The following KDM4A variants were observed in gnomAD, a reference collection of about 807,000 sequenced individuals.
KDM4A encodes the protein lysine demethylase 4A, also known as lysine-specific demethylase 4A.
In KDM4A, 23 loss-of-function variants were observed where a neutral mutation model predicts 127.1. The observed-to-expected ratio is 0.18, with a 90% CI of 0.13 to 0.26. KDM4A has a LOEUF of 0.26. KDM4A is among the 10% of genes least tolerant of loss of function. The probability of loss-of-function intolerance (pLI) is 1.00; values close to 1 mark genes in which losing one functional copy is unlikely to be tolerated. For synonymous variants in KDM4A, 443 were observed against 466.5 expected (o/e 0.95, Z 0.65); for missense variants, 890 against 1,329.1 (o/e 0.67, Z 5.14).
intron 14 of KDM4A, 71 bp downstream of exon 14, chr1:43,691,120 C>T (rs1482118206): frequency 6.9e-7 from 1 of 1,446,522 alleles, no homozygotes; most frequent in Non-Finnish European, 9.7e-7. Flanking sequence ...GTTCTTGCCA[C>T]CTCCTGGCCT....
At chr1:43,662,856 C>A in intron 4 of KDM4A, 38 bp from the exon 5 acceptor site, 2 of 1,551,334 alleles carry the variant, frequency 1.3e-6, no homozygotes, top group Non-Finnish European at 1.7e-6. Context: ...GGTTTCTATG[C>A]AAATGTAACT....
chr1:43,697,489 T>A lies in KDM4A; in HGVS notation c.2671-354T>A, dbSNP rs142077134. On this transcript the variant is annotated intron_variant, in intron 18 of 21. Transcript: ENST00000372396. ...GCGGCCCAGGCCTCAGGGCACCTAT[T>A]GAGTCTCTCCTTCGATACTTTGATG... Among the ~76,000 whole-genome samples the A allele has an allele frequency of 1.8e-3, 280 of 152,342 alleles. 1 individual carries two copies. Among genetic ancestry groups the A allele is most frequent in the Non-Finnish European group, 3.5e-3 (241 of 68,028 alleles).
In KDM4A at chr1:43,697,833, T is replaced by C. The variant is rs1661279189; in HGVS notation, c.2671-10T>C. On this transcript the variant is annotated splice_polypyrimidine_tract_variant and intron_variant, in intron 18 of 21. Coordinates refer to ENST00000372396, the MANE Select transcript of KDM4A (RefSeq NM_014663.3). The stretch of plus-strand genomic sequence containing the variant: ...ACGTGTGAGTAACCAAAGCCTCTGT[T>C]TTTTTCCAGCGTGCCAAGGGGGCCT... 1.2e-6 allele frequency: 2 copies of C among 1,610,238 alleles called. No individual in the cohort carries two copies. Among genetic ancestry groups the C allele is most frequent in the Non-Finnish European group, 1.7e-6 (2 of 1,178,346 alleles).
Position 43,704,367 on chromosome 1 carries a change from G to T in KDM4A, c.3192G>T (p.Glu1064Asp). The change falls in exon 22 of 22, where the codon GAG becomes GAT. Residue 1064 changes from glutamate (E) to aspartate (D), a missense_variant. Physicochemically the swap from Glu to Asp is conservative, Grantham distance 45. Coordinates refer to ENST00000372396, the MANE Select transcript of KDM4A (RefSeq NM_014663.3). ...IEPALYRAIM[E>D] ...CTGCACTATACCGGGCCATCATGGAGTAGGTGCTTCCAGGGTCCAAGGGAT... is the reference window on the plus strand; with the variant it reads ...CTGCACTATACCGGGCCATCATGGATTAGGTGCTTCCAGGGTCCAAGGGAT... 1 of 1,613,246 alleles carries T rather than the reference G, an allele frequency of 6.2e-7. No homozygotes were observed. The highest frequency in any genetic ancestry group is 1.3e-5 in the African/African-American group (1 of 75,030).
chr1:43,686,157 T>TG (rs1479802799), intron 12 of KDM4A, among the ~76,000 whole-genome samples: 2 of 142,272 alleles, frequency 1.4e-5, no homozygotes, highest in East Asian at 4.1e-4. Context: ...TCTTGTTTTT[T>TG]TTTTTTTTTT....
At chr1:43,695,500 T>G (rs1253644208) in intron 18 of KDM4A, among the ~76,000 whole-genome samples, 10 of 152,290 alleles carry the variant, frequency 6.6e-5, no homozygotes. Context: ...AGACTGGTTA[T>G]GGGAGTGTGA....
rs1660218622 is a variant in KDM4A, at chr1:43,655,560, T to C, written c.139-31T>C. 2.6e-6 allele frequency: 4 copies of C among 1,568,244 alleles called. No individual in the cohort carries two copies. In the African/African-American group the frequency reaches 5.4e-5, roughly 21 times the overall value. On this transcript the variant is annotated intron_variant, in intron 2 of 21. Coordinates refer to ENST00000372396, the MANE Select transcript of KDM4A (RefSeq NM_014663.3). The stretch of plus-strand genomic sequence containing the variant: ...TCTGACTGGCTTGCCAGGTTTCTCA[T>C]CTGTCTTTTTGTTTCTTGTGTTCCC...
intron 12 of KDM4A, among the ~76,000 whole-genome samples, chr1:43,686,074 T>TATGTCC (rs927210951): frequency 9.2e-5 from 14 of 152,084 alleles, no homozygotes; most frequent in African/African-American, 3.4e-4. Context: ...GATATTAGAG[T>TATGTCC]ATGTCCATGT....
intron 9 of KDM4A, among the ~76,000 whole-genome samples, chr1:43,668,720 G>C (rs1490778937): frequency 6.6e-6 from 1 of 152,206 alleles, no homozygotes; most frequent in Non-Finnish European, 1.5e-5. Flanking sequence ...ATTTAAGTCT[G>C]CAGTGCTATT....
At position 43,669,221 on chromosome 1, in the gene KDM4A, G is replaced by C. The variant is rs954089076; in HGVS notation, c.1285G>C (p.Glu429Gln). The change falls in exon 10 of 22, where the codon GAG becomes CAG. Residue 429 changes from glutamate (E) to glutamine (Q), a missense_variant. Physicochemically the swap from Glu to Gln is conservative, Grantham distance 29 (BLOSUM62 2). Around this residue, in one of 7 missense-constraint regions of KDM4A, gnomAD observed 389 missense variants for 485.9 expected, o/e 0.80. Coordinates refer to ENST00000372396, the MANE Select transcript of KDM4A (RefSeq NM_014663.3). ...DLSSEQYEMT[E>Q]CPAALAPVRP... is the part of the protein sequence containing the mutation. ...GAGTTCTGAGCAGTATGAGATGACG[G>C]AGTGCCCGGCAGCCCTCGCCCCTGT... The C allele has an allele frequency of 1.9e-6, 3 of 1,614,076 alleles. No homozygotes were observed. In the African/African-American group the frequency reaches 4.0e-5, roughly 22 times the overall value.
At chr1:43,672,869 G>A (rs1482210854) in intron 11 of KDM4A, among the ~76,000 whole-genome samples, 4 of 152,182 alleles carry the variant, frequency 2.6e-5, no homozygotes, top group African/African-American at 4.8e-5. Context: ...AATGGCTGCT[G>A]TTGGAGCCCA....
chr1:43,698,898 C>T (rs977099552), intron 19 of KDM4A, among the ~76,000 whole-genome samples: 14 of 152,052 alleles, frequency 9.2e-5, no homozygotes, highest in African/African-American at 3.4e-4. Flanking sequence ...AGGTGATCAT[C>T]CCACCTCAGC....
At chr1:43,682,063 G>A (rs1220871664) in intron 11 of KDM4A, among the ~76,000 whole-genome samples, 1 of 152,094 alleles carries the variant, frequency 6.6e-6, no homozygotes, top group Admixed American at 6.6e-5. Flanking sequence ...TGACCTTCCG[G>A]GCTCAGGTAA....
At chr1:43,651,979 G>GTT (rs1383226543) in intron 1 of KDM4A, among the ~76,000 whole-genome samples, 1 of 152,244 alleles carries the variant, frequency 6.6e-6, no homozygotes, top group Non-Finnish European at 1.5e-5. Flanking sequence ...CAACAGAACA[G>GTT]TTTCACTTTA....
intron 9 of KDM4A, among the ~76,000 whole-genome samples, chr1:43,668,445 G>A (rs554738852): frequency 3.9e-5 from 6 of 152,290 alleles, no homozygotes; most frequent in East Asian, 1.9e-4. Flanking sequence ...CTAAGATGCC[G>A]TTTGTGCCTT....
chr1:43,677,526 C>G (rs1660769496), intron 11 of KDM4A, among the ~76,000 whole-genome samples: 1 of 152,008 alleles, frequency 6.6e-6, no homozygotes, highest in Non-Finnish European at 1.5e-5. Context: ...AAATCAAGGC[C>G]CACACCTTTG....
rs1010825144 is a variant in KDM4A at position 43,657,422 on chromosome 1, C to T, written c.314+1656C>T. Among the ~76,000 whole-genome samples the T allele has an allele frequency of 3.9e-5, 6 of 152,020 alleles. No individual in the cohort carries two copies. In the East Asian group the frequency reaches 1.2e-3, roughly 30 times the overall value. Reference sequence around the variant, plus strand: ...TTCACCATGTTGGCCAGGATGGTCTCGATCTCTTGACCTCGTGATCCACCC... The same window carrying T: ...TTCACCATGTTGGCCAGGATGGTCTTGATCTCTTGACCTCGTGATCCACCC... On this transcript the variant is annotated intron_variant, in intron 3 of 21. Transcript: ENST00000372396.
Position 43,674,748 on chromosome 1 carries a change from G to A in KDM4A, c.1734+2873G>A, listed in dbSNP as rs565681803. Among the ~76,000 whole-genome samples, 4 of 152,048 alleles carry A rather than the reference G, an allele frequency of 2.6e-5. No homozygotes were observed. In the East Asian group the frequency reaches 7.8e-4, roughly 29 times the overall value. On this transcript the variant is annotated intron_variant, in intron 11 of 21. Transcript: ENST00000372396. ...TTGGCCAGGCTGGTCTGTAACTCCT[G>A]AGTGCCCGCCTCAGCCTCCCAAAGT...
At position 43,704,553 on chromosome 1, in the gene KDM4A, C is replaced by A; in HGVS notation, c.*183C>A. 1.5e-6 allele frequency: 1 copy of A among 660,350 alleles called. No individual in the cohort carries two copies. The highest frequency in any genetic ancestry group is 2.5e-6 in the Non-Finnish European group (1 of 399,780). The allele number at this position is 660,350 out of a possible 1,614,324, so 40.9% of individuals were successfully genotyped here. ...CATTCCGCTGTAGTGAAAGGACGAG[C>A]CATTTCTGGGCACGTGGCAGCAGTC... On this transcript the variant is annotated 3_prime_UTR_variant, in exon 22 of 22. Transcript: ENST00000372396.
Sources: gnomAD v4.1 joint callset for allele counts (sites outside exome capture counted in the v4.1 genomes callset) on GRCh38, gnomAD v4.1.1 for gene constraint, gnomAD v4.1.1 regional missense constraint, MANE v1.5 for transcripts, NCBI Gene and HGNC (gene_info 2026-07-23, HGNC 2026-07-21) for gene names.